The following CLSTN2 variants were observed in gnomAD, a reference collection of about 807,000 sequenced individuals.
CLSTN2 encodes calsyntenin-2.
Under a neutral mutation model 101.2 loss-of-function variants are expected in CLSTN2, and 48 were observed. The ratio of observed to expected loss-of-function variants is 0.47; its 90% CI spans 0.38 to 0.60. The LOEUF (loss-of-function observed/expected upper bound fraction) is 0.60. CLSTN2 is among the 20% of genes least tolerant of loss of function. The probability of loss-of-function intolerance (pLI) is 0.00; values close to 1 mark genes in which losing one functional copy is unlikely to be tolerated. For synonymous variants in CLSTN2, 481 were observed against 463.6 expected, an observed-to-expected ratio of 1.04 and a Z score of -0.48; for missense variants, 1,160 against 1,238.2, an observed-to-expected ratio of 0.94 and a Z score of 0.95.
chr3:140,384,267 G>C (rs1032209429), intron 2 of CLSTN2, among the ~76,000 whole-genome samples: 3 of 152,178 alleles, frequency 2.0e-5, no homozygotes, highest in African/African-American at 7.2e-5. Context: ...TTTCATTCCT[G>C]CTCCAGCTGA....
intron 1 of CLSTN2, among the ~76,000 whole-genome samples, chr3:140,069,811 G>C (rs935595680): frequency 3.3e-5 from 5 of 152,182 alleles, no homozygotes; most frequent in Admixed American, 2.6e-4. Flanking sequence ...GTCAGCAGGG[G>C]GCACTGGCAG....
At chr3:140,189,711 G>A (rs1341001202) in intron 2 of CLSTN2, among the ~76,000 whole-genome samples, 1 of 152,020 alleles carries the variant, frequency 6.6e-6, no homozygotes, top group Non-Finnish European at 1.5e-5. Flanking sequence ...AAACACTTTT[G>A]TATAAAGTAA....
intron 2 of CLSTN2, among the ~76,000 whole-genome samples, chr3:140,226,154 T>C (rs1328296331): frequency 6.6e-6 from 1 of 152,174 alleles, no homozygotes; most frequent in Non-Finnish European, 1.5e-5. Flanking sequence ...ATTCCATTTA[T>C]ATAACATTCT....
intron 8 of CLSTN2, among the ~76,000 whole-genome samples, chr3:140,475,979 A>T (rs1933973904): frequency 6.6e-6 from 1 of 152,238 alleles, no homozygotes; most frequent in East Asian, 1.9e-4. Flanking sequence ...ATAAATGAAG[A>T]TACTCAAGCC....
At chr3:140,122,988 C>T (rs1185218691) in intron 1 of CLSTN2, among the ~76,000 whole-genome samples, 1 of 151,886 alleles carries the variant, frequency 6.6e-6, no homozygotes, top group African/African-American at 2.4e-5. Context: ...GTGTCTTAGT[C>T]CATTTATGCT....
intron 2 of CLSTN2, among the ~76,000 whole-genome samples, chr3:140,246,471 G>T (rs925640924): frequency 2.0e-5 from 3 of 152,058 alleles, no homozygotes; most frequent in African/African-American, 2.4e-5. Context: ...CAGAAACCTT[G>T]CAGTACCACT....
At chr3:140,516,940 A>C (rs1253085591) in intron 8 of CLSTN2, among the ~76,000 whole-genome samples, 1 of 152,080 alleles carries the variant, frequency 6.6e-6, no homozygotes, top group East Asian at 1.9e-4. Flanking sequence ...AAACTTTTAG[A>C]TTTCTCTTCC....
chr3:139,967,576 C>T (rs1049923270), intron 1 of CLSTN2, among the ~76,000 whole-genome samples: 9 of 152,212 alleles, frequency 5.9e-5, no homozygotes, highest in African/African-American at 1.9e-4. Context: ...ACGTCACATA[C>T]ATCTCTGGAA....
chr3:139,972,502 T>A (rs1371766940), intron 1 of CLSTN2, among the ~76,000 whole-genome samples: 1 of 152,050 alleles, frequency 6.6e-6, no homozygotes, highest in African/African-American at 2.4e-5. Flanking sequence ...GACTAAACAC[T>A]CTGCTCCATC....
At chr3:140,076,549 G>A (rs369776500) in intron 1 of CLSTN2, among the ~76,000 whole-genome samples, 21 of 149,336 alleles carry the variant, frequency 1.4e-4, no homozygotes, top group Non-Finnish European at 7.4e-5. Flanking sequence ...TGTCAATGCC[G>A]GCCTCCCACA....
chr3:140,546,755 G>T lies in CLSTN2; in HGVS notation c.1674+74G>T, dbSNP rs144221765. 306 of 1,346,848 alleles carry T rather than the reference G, an allele frequency of 2.3e-4. No homozygotes were observed. In the African/African-American group the frequency reaches 3.8e-3, roughly 17 times the overall value. The allele number at this position is 1,346,848 out of a possible 1,614,324, so 83.4% of individuals were successfully genotyped here. On this transcript the variant is annotated intron_variant, in intron 10 of 16. Coordinates refer to ENST00000458420, the MANE Select transcript of CLSTN2 (RefSeq NM_022131.3). ...CCCAGCCTGCACAGCGCCAGCACACGCCAGGAAATGGAGCTTCCTGGAACG... is the reference window on the plus strand; with the variant it reads ...CCCAGCCTGCACAGCGCCAGCACACTCCAGGAAATGGAGCTTCCTGGAACG...
At chr3:140,353,709 A>G (rs1436026684) in intron 2 of CLSTN2, among the ~76,000 whole-genome samples, 2 of 152,228 alleles carry the variant, frequency 1.3e-5, no homozygotes, top group East Asian at 3.8e-4. Context: ...CTCATAGCAG[A>G]TCTAATGCTT....
At chr3:139,995,231 T>G (rs781513974) in intron 1 of CLSTN2, among the ~76,000 whole-genome samples, 18 of 152,188 alleles carry the variant, frequency 1.2e-4, no homozygotes, top group Non-Finnish European at 2.1e-4. Flanking sequence ...CAGTCTTCCC[T>G]CAGGGACCCC....
chr3:140,277,361 C>T (rs1166937088), intron 2 of CLSTN2, among the ~76,000 whole-genome samples: 2 of 152,164 alleles, frequency 1.3e-5, no homozygotes, highest in Non-Finnish European at 2.9e-5. Context: ...AGCCCATGCT[C>T]CTTGCTTTTC....
intron 2 of CLSTN2, among the ~76,000 whole-genome samples, chr3:140,273,472 C>G (rs2086763445): frequency 6.6e-6 from 1 of 152,180 alleles, no homozygotes; most frequent in Non-Finnish European, 1.5e-5. Flanking sequence ...GAAATGAAAG[C>G]TTCACAGCTA....
intron 1 of CLSTN2, among the ~76,000 whole-genome samples, chr3:140,171,813 T>C (rs1336742898): frequency 1.3e-4 from 12 of 94,226 alleles, no homozygotes; most frequent in Non-Finnish European, 1.9e-4. Context: ...GTATTATATA[T>C]TATATATTAT....
Position 140,569,629 on chromosome 3 carries a change from C to A in CLSTN2, c.*3376C>A, listed in dbSNP as rs767454475. 6.6e-6 allele frequency: 1 copy of A among 152,182 alleles called. No individual in the cohort carries two copies. The highest frequency in any genetic ancestry group is 1.5e-5 in the Non-Finnish European group (1 of 68,038). The allele number at this position is 152,182 out of a possible 1,614,324, so 9.4% of individuals were successfully genotyped here. ...GCCAAGGCCCAAATTCATCTAGATA[C>A]CAAAAATGTGATTTCAGTGAAATCT... On this transcript the variant is annotated 3_prime_UTR_variant, in exon 17 of 17. Transcript: ENST00000458420.
intron 1 of CLSTN2, among the ~76,000 whole-genome samples, chr3:140,016,585 G>A (rs1284095442): frequency 2.0e-5 from 3 of 151,974 alleles, no homozygotes; most frequent in Non-Finnish European, 4.4e-5. Context: ...CGGATCATGA[G>A]GTCAGGAGAT....
intron 2 of CLSTN2, among the ~76,000 whole-genome samples, chr3:140,177,084 T>A (rs750687976): frequency 5.9e-5 from 9 of 152,208 alleles, no homozygotes; most frequent in Non-Finnish European, 1.2e-4. Context: ...ATGGGGAAAT[T>A]CAGTATTATG....
Sources: gnomAD v4.1 joint callset for allele counts (sites outside exome capture counted in the v4.1 genomes callset) on GRCh38, gnomAD v4.1.1 for gene constraint, MANE v1.5 for transcripts, NCBI Gene and HGNC (gene_info 2026-07-23, HGNC 2026-07-21) for gene names.